The following PLXNA2 variants were observed in gnomAD, a reference collection of about 807,000 sequenced individuals.
The protein encoded by PLXNA2 is plexin-A2.
In PLXNA2, 91 loss-of-function variants were observed where a neutral mutation model predicts 193.5. The observed-to-expected ratio is 0.47, with a 90% CI of 0.40 to 0.56. The LOEUF (loss-of-function observed/expected upper bound fraction) is 0.56, where lower values mean the gene tolerates loss of function less well. Among genes scored for constraint, PLXNA2 ranks in the 20% least tolerant of loss-of-function variants. The pLI is 0.00. For synonymous variants in PLXNA2, 997 were observed against 1,027.3 expected (o/e 0.97, Z 0.56); for missense variants, 1,995 against 2,503.2 (o/e 0.80, Z 4.33).
chr1:208,045,738 C>T, intron 18 of PLXNA2, 140 bp downstream of exon 18: 1 of 1,051,340 alleles, frequency 9.5e-7, no homozygotes, highest in Non-Finnish European at 1.4e-6. Context: ...CCATGAGCTC[C>T]TTCTGTAGGA....
chr1:208,052,836 C>T (rs143760221), intron 14 of PLXNA2, among the ~76,000 whole-genome samples: 68 of 152,098 alleles, frequency 4.5e-4, no homozygotes, highest in Non-Finnish European at 7.5e-4. Context: ...GGCACAAAAT[C>T]GATAGGGCTG....
rs145306970 is a variant in PLXNA2, at chr1:208,077,101, A to G, written c.2586+2159T>C. Among the ~76,000 whole-genome samples the G allele has an allele frequency of 4.4e-3, 675 of 152,286 alleles. 1 individual carries two copies. The highest frequency in any genetic ancestry group is 7.1e-3 in the Non-Finnish European group (482 of 68,024). ...GAAATGAAAGAAAATATTCCAGATA[A>G]TCATGAATACAACATTCCAGGCCTG... On this transcript the variant is annotated intron_variant, in intron 12 of 31. Coordinates refer to ENST00000367033, the MANE Select transcript of PLXNA2 (RefSeq NM_025179.4).
At chr1:208,219,244 C>T (rs556652595) in intron 1 of PLXNA2, among the ~76,000 whole-genome samples, 4 of 152,276 alleles carry the variant, frequency 2.6e-5, no homozygotes, top group African/African-American at 9.6e-5. Flanking sequence ...TGAGGACAGC[C>T]TGTAGCCAGG....
intron 4 of PLXNA2, among the ~76,000 whole-genome samples, chr1:208,121,000 T>C (rs1352152089): frequency 1.3e-5 from 2 of 152,186 alleles, no homozygotes; most frequent in Admixed American, 1.3e-4. Flanking sequence ...AAGGACACAA[T>C]ATGGGATGTC....
At chr1:208,196,391 A>G (rs6540459) in intron 3 of PLXNA2, among the ~76,000 whole-genome samples, 2,556 of 152,386 alleles carry the variant, frequency 0.017, 86 homozygotes, top group African/African-American at 0.056. Context: ...CCATTAGCCA[A>G]TTACTTTCTA....
rs1484178218 is a variant in PLXNA2 at position 208,034,563 on chromosome 1, G to T, written c.4794C>A (p.Val1598=). Residue 1598 remains valine (V), a synonymous_variant, in exon 27 of 32, where the codon GTC becomes GTA. Coordinates refer to ENST00000367033, the MANE Select transcript of PLXNA2 (RefSeq NM_025179.4). ...QVSDRSVVAL[V]PKQTSSYNIP... ...TGTTGTAGGAGGAGGTCTGTTTGGGGACCAGAGCCACCACCGACCTGTCTG... is the reference window on the plus strand; with the variant it reads ...TGTTGTAGGAGGAGGTCTGTTTGGGTACCAGAGCCACCACCGACCTGTCTG... The T allele has an allele frequency of 8.1e-6, 13 of 1,613,850 alleles. No homozygotes were observed. Among genetic ancestry groups the T allele is most frequent in the South Asian group, 2.2e-5 (2 of 91,058 alleles).
At chr1:208,099,585 T>G (rs898945170) in intron 5 of PLXNA2, among the ~76,000 whole-genome samples, 3 of 152,124 alleles carry the variant, frequency 2.0e-5, no homozygotes, top group East Asian at 1.9e-4. Flanking sequence ...TTGTTTGTTT[T>G]TTTGAGACAG....
chr1:208,031,806 G>A (rs1571840941), intron 28 of PLXNA2, 47 bp from the exon 29 acceptor site: 1 of 1,457,764 alleles, frequency 6.9e-7, no homozygotes, highest in East Asian at 2.3e-5. Flanking sequence ...GTGACGGCAG[G>A]TAGCAGACAG....
In PLXNA2 at chr1:208,045,991, A is replaced by G; in HGVS notation, c.3382T>C (p.Ser1128Pro). The change falls in exon 18 of 32, where the codon TCC becomes CCC. Residue 1128 changes from serine to proline, a missense_variant. Physicochemically the swap from Ser to Pro is moderately conservative, Grantham distance 74 (BLOSUM62 -1). Transcript: ENST00000367033. ...TTGGTGTCGTTGTAAATTAGCAAGG[A>G]TTGGACATTGTTAAAGACAAATCCA... ...EFGFVFNNVQ[S>P]LLIYNDTKFI... is the part of the protein sequence containing the mutation. The G allele has an allele frequency of 6.2e-7, 1 of 1,614,258 alleles. No homozygotes were observed. The highest frequency in any genetic ancestry group is 8.5e-7 in the Non-Finnish European group (1 of 1,180,052).
At chr1:208,231,641 T>C (rs1376366173) in intron 1 of PLXNA2, among the ~76,000 whole-genome samples, 1 of 152,224 alleles carries the variant, frequency 6.6e-6, no homozygotes, top group Non-Finnish European at 1.5e-5. Flanking sequence ...GCAATGATTT[T>C]ATAGTTTCCT....
intron 8 of PLXNA2, among the ~76,000 whole-genome samples, chr1:208,095,420 T>G (rs10863696): frequency 5.3e-5 from 8 of 152,090 alleles, no homozygotes; most frequent in Non-Finnish European, 8.8e-5. Context: ...TCCGTAGAAC[T>G]AAAGTCAAGC....
intron 3 of PLXNA2, among the ~76,000 whole-genome samples, chr1:208,188,273 C>T (rs894651782): frequency 6.6e-6 from 1 of 152,148 alleles, no homozygotes; most frequent in African/African-American, 2.4e-5. Context: ...TGAATGCCTG[C>T]TTTAGGGTAG....
chr1:208,030,462 T>A, intron 29 of PLXNA2: 1 of 985,346 alleles, frequency 1.0e-6, no homozygotes, highest in Non-Finnish European at 1.2e-6. Context: ...GTCCAGGGAA[T>A]GCAGATGGAA....
At chr1:208,169,335 A>T (rs2102527978) in intron 3 of PLXNA2, among the ~76,000 whole-genome samples, 1 of 152,360 alleles carries the variant, frequency 6.6e-6, no homozygotes, top group South Asian at 2.1e-4. Flanking sequence ...AGACACAGGG[A>T]GAGTTCGGAC....
intron 3 of PLXNA2, among the ~76,000 whole-genome samples, chr1:208,169,685 G>C (rs1249873): frequency 0.31 from 47,689 of 152,112 alleles, 9,568 homozygotes; most frequent in Non-Finnish European, 0.45. Flanking sequence ...GAGACAGCAT[G>C]TTCAACAGGT....
chr1:208,045,615 A>T (rs1571857856), intron 18 of PLXNA2, among the ~76,000 whole-genome samples: 1 of 152,218 alleles, frequency 6.6e-6, no homozygotes, highest in African/African-American at 2.4e-5. Flanking sequence ...GTTACTCCCA[A>T]CTCACTGCAG....
At chr1:208,113,394 A>T (rs1414030778) in intron 4 of PLXNA2, among the ~76,000 whole-genome samples, 2 of 152,114 alleles carry the variant, frequency 1.3e-5, no homozygotes, top group Non-Finnish European at 2.9e-5. Flanking sequence ...CTTACCACAG[A>T]GCTTGACTTC....
intron 26 of PLXNA2, among the ~76,000 whole-genome samples, chr1:208,034,982 T>G (rs1377280545): frequency 1.3e-5 from 2 of 152,232 alleles, no homozygotes; most frequent in Non-Finnish European, 2.9e-5. Context: ...TTAGACCAGT[T>G]AGATTAAATA....
At chr1:208,186,767 C>T (rs12568359) in intron 3 of PLXNA2, among the ~76,000 whole-genome samples, 1,952 of 145,220 alleles carry the variant, frequency 0.013, 59 homozygotes, top group East Asian at 0.12. Context: ...GGCGGGACTG[C>T]GGACTGCAGT....
Sources: gnomAD v4.1 joint callset for allele counts (sites outside exome capture counted in the v4.1 genomes callset) on GRCh38, gnomAD v4.1.1 for gene constraint, MANE v1.5 for transcripts, NCBI Gene and HGNC (gene_info 2026-07-23, HGNC 2026-07-21) for gene names.